Variants in NCAPG2 observed in about 807,000 individuals in gnomAD.
NCAPG2 encodes condensin-2 complex subunit G2.
NCAPG2 carries 53 observed loss-of-function variants against 141.1 expected under a neutral mutation model. The ratio of observed to expected loss-of-function variants is 0.38; its 90% CI spans 0.30 to 0.47. The LOEUF (loss-of-function observed/expected upper bound fraction) is 0.47, where lower values mean the gene tolerates loss of function less well. Ranked by LOEUF, NCAPG2 falls within the 20% of genes least tolerant of loss-of-function variation. NCAPG2 has a pLI of 0.99. For missense variants in NCAPG2, 1,087 were observed against 1,389.0 expected, an observed-to-expected ratio of 0.78 and a Z score of 3.46; for synonymous variants, 499 against 490.7, an observed-to-expected ratio of 1.02 and a Z score of -0.22.
At chr7:158,678,667 G>A (rs1420517409) in intron 11 of NCAPG2, among the ~76,000 whole-genome samples, 3 of 149,890 alleles carry the variant, frequency 2.0e-5, no homozygotes, top group Non-Finnish European at 4.4e-5. Context: ...CAGGCTGGGA[G>A]ACAGAGCACG....
chr7:158,648,145 G>A (rs1276014777), intron 24 of NCAPG2, among the ~76,000 whole-genome samples: 1 of 152,106 alleles, frequency 6.6e-6, no homozygotes, highest in African/African-American at 2.4e-5. Flanking sequence ...CTTAAACAGT[G>A]AGACAAAAGA....
intron 22 of NCAPG2, 136 bp from the exon 23 acceptor site, chr7:158,652,616 A>T: frequency 1.4e-6 from 1 of 716,778 alleles, no homozygotes; most frequent in Non-Finnish European, 2.2e-6. Context: ...GTGAGCCAAT[A>T]CCAAAAGCCA....
intron 7 of NCAPG2, among the ~76,000 whole-genome samples, chr7:158,687,019 T>C (rs963177): frequency 0.88 from 134,546 of 152,146 alleles, 59,565 homozygotes; most frequent in Admixed American, 0.93. Flanking sequence ...GAAGCCACCC[T>C]GGCCAGGCCA....
chr7:158,679,520 A>G (rs1369638420), intron 11 of NCAPG2, among the ~76,000 whole-genome samples: 2 of 152,200 alleles, frequency 1.3e-5, no homozygotes, highest in Non-Finnish European at 2.9e-5. Flanking sequence ...AGGATAGGCA[A>G]TATCGCAATC....
intron 22 of NCAPG2, 47 bp from the exon 23 acceptor site, chr7:158,652,527 G>A (rs752515869): frequency 1.4e-6 from 2 of 1,392,974 alleles, no homozygotes; most frequent in Admixed American, 2.1e-5. Context: ...ACACAAGTTT[G>A]TTGAAATCAT....
chr7:158,667,464 G>GCCCTC (rs1833149715), intron 13 of NCAPG2, among the ~76,000 whole-genome samples: 1 of 65,064 alleles, frequency 1.5e-5, no homozygotes. Context: ...CCCTCCGCCC[G>GCCCTC]CCTTACCCAC....
intron 22 of NCAPG2, among the ~76,000 whole-genome samples, chr7:158,653,844 G>C (rs1364366878): frequency 1.3e-5 from 2 of 152,150 alleles, no homozygotes; most frequent in Non-Finnish European, 2.9e-5. Context: ...CTGGGATATT[G>C]GGATACTACT....
chr7:158,647,257 T>TG (rs1477758079), intron 24 of NCAPG2, among the ~76,000 whole-genome samples: 1 of 152,220 alleles, frequency 6.6e-6, no homozygotes, highest in Non-Finnish European at 1.5e-5. Flanking sequence ...TTTGGGGGAT[T>TG]GGGAGGCTGT....
chr7:158,679,399 G>A (rs990066443), intron 11 of NCAPG2, among the ~76,000 whole-genome samples: 2 of 152,156 alleles, frequency 1.3e-5, no homozygotes, highest in Non-Finnish European at 2.9e-5. Flanking sequence ...AATAAATGCC[G>A]CATCTTAACA....
At chr7:158,677,603 T>C (rs192456501) in intron 11 of NCAPG2, among the ~76,000 whole-genome samples, 28 of 151,606 alleles carry the variant, frequency 1.8e-4, no homozygotes, top group Non-Finnish European at 3.7e-4. Context: ...GAAGTTTTTA[T>C]ACATTTTGTT....
Position 158,671,448 on chromosome 7 carries a change from T to G in NCAPG2, c.1479+66A>C, listed in dbSNP as rs943318725. On this transcript the variant is annotated intron_variant, in intron 13 of 27. Coordinates refer to ENST00000356309, the MANE Select transcript of NCAPG2 (RefSeq NM_017760.7). Reference sequence around the variant, plus strand: ...TTAAAATGTGGAATTAAAACTACTTTCTTTCTGTTTGATGAACACATGTCC... The same window carrying G: ...TTAAAATGTGGAATTAAAACTACTTGCTTTCTGTTTGATGAACACATGTCC... The G allele has an allele frequency of 3.8e-6, 6 of 1,577,230 alleles. No homozygotes were observed. In the African/African-American group the frequency reaches 6.8e-5, roughly 18 times the overall value.
intron 22 of NCAPG2, among the ~76,000 whole-genome samples, chr7:158,653,380 A>AT (rs1174200880): frequency 1.9e-4 from 19 of 97,618 alleles, no homozygotes; most frequent in African/African-American, 5.3e-4. Context: ...AAAAAAAATA[A>AT]AAAAAAAAAT....
At chr7:158,649,686 T>C (rs1271462101) in intron 24 of NCAPG2, among the ~76,000 whole-genome samples, 1 of 152,254 alleles carries the variant, frequency 6.6e-6, no homozygotes, top group Non-Finnish European at 1.5e-5. Flanking sequence ...AGTTAACATC[T>C]TTTTATTAGT....
At chr7:158,687,020 G>A (rs939707873) in intron 7 of NCAPG2, among the ~76,000 whole-genome samples, 9 of 152,056 alleles carry the variant, frequency 5.9e-5, no homozygotes, top group Non-Finnish European at 7.4e-5. Context: ...AAGCCACCCT[G>A]GCCAGGCCAC....
rs775443366 is a variant in NCAPG2 at position 158,658,331 on chromosome 7, C to G, written c.2060+7G>C. 1.9e-6 allele frequency: 3 copies of G among 1,605,246 alleles called. No homozygotes were observed. The highest frequency in any genetic ancestry group is 2.7e-5 in the African/African-American group (2 of 74,460). On this transcript the variant is annotated splice_region_variant and intron_variant, in intron 17 of 27. Transcript: ENST00000356309. ...TTTTCTACCGTACCAAAAAACAGAG[C>G]AAATACCTGAATGGGGGGACAGCAG...
rs773372380 is a variant in NCAPG2, at chr7:158,652,494, T to A, written c.2747-14A>T. Reference sequence around the variant, plus strand: ...AAAATCCCTTCACTAGAAAGAAAATTGGAATATATCAGTTTTCTAATCACA... The same window carrying A: ...AAAATCCCTTCACTAGAAAGAAAATAGGAATATATCAGTTTTCTAATCACA... On this transcript the variant is annotated splice_polypyrimidine_tract_variant and intron_variant, in intron 22 of 27. Transcript: ENST00000356309. The A allele has an allele frequency of 1.3e-6, 2 of 1,564,222 alleles. No homozygotes were observed. Among genetic ancestry groups the A allele is most frequent in the South Asian group, 1.2e-5 (1 of 86,516 alleles).
At chr7:158,689,716 T>A in intron 6 of NCAPG2, 103 bp downstream of exon 6, 1 of 1,105,750 alleles carries the variant, frequency 9.0e-7, no homozygotes, top group South Asian at 2.4e-5. Context: ...TCCTGGTAGC[T>A]AAGCAACACC....
intron 2 of NCAPG2, among the ~76,000 whole-genome samples, chr7:158,695,489 G>T (rs1402633401): frequency 1.3e-5 from 2 of 152,072 alleles, no homozygotes; most frequent in Non-Finnish European, 2.9e-5. Flanking sequence ...AGTGAGAGAG[G>T]TTCCAGTAAC....
chr7:158,702,824 G>A (rs1375680690), intron 1 of NCAPG2, among the ~76,000 whole-genome samples: 4 of 152,066 alleles, frequency 2.6e-5, no homozygotes, highest in East Asian at 1.9e-4. Flanking sequence ...AATGACTCCC[G>A]AAATAAGTTA....
Sources: gnomAD v4.1 joint callset for allele counts (sites outside exome capture counted in the v4.1 genomes callset) on GRCh38, gnomAD v4.1.1 for gene constraint, MANE v1.5 for transcripts, NCBI Gene and HGNC (gene_info 2026-07-23, HGNC 2026-07-21) for gene names.